TMEM145: variants seen among roughly 807,000 people sequenced by gnomAD.
The protein encoded by TMEM145 is transmembrane protein 145.
In TMEM145, 46 loss-of-function variants were observed where a neutral mutation model predicts 68.5. The ratio of observed to expected loss-of-function variants is 0.67; its 90% CI spans 0.53 to 0.86. The LOEUF is 0.86. TMEM145 is among the 40% of genes least tolerant of loss of function. The pLI is 0.00. For missense variants in TMEM145, 570 were observed against 645.8 expected, an observed-to-expected ratio of 0.88 and a Z score of 1.27; for synonymous variants, 255 against 280.2, an observed-to-expected ratio of 0.91 and a Z score of 0.90.
intron 12 of TMEM145, among the ~76,000 whole-genome samples, chr19:42,318,414 G>A (rs950561113): frequency 1.3e-5 from 2 of 151,016 alleles, no homozygotes; most frequent in Non-Finnish European, 2.9e-5. Context: ...GGCCGGGCGT[G>A]GTGGCTCACA....
chr19:42,316,411 G>A (rs928065923), intron 8 of TMEM145, 70 bp from the exon 9 acceptor site: 1 of 1,437,122 alleles, frequency 7.0e-7, no homozygotes, highest in Admixed American at 1.7e-5. Flanking sequence ...TGCCTGGATG[G>A]TAGTGCTAGA....
chr19:42,323,469 T>C lies in TMEM145; in HGVS notation c.1195-114T>C, dbSNP rs2038930041. 3 of 1,008,840 alleles carry C rather than the reference T, an allele frequency of 3.0e-6. No individual in the cohort carries two copies. In the African/African-American group the frequency reaches 4.8e-5, roughly 16 times the overall value. The allele number at this position is 1,008,840 out of a possible 1,614,324, so 62.5% of individuals were successfully genotyped here. On this transcript the variant is annotated intron_variant, in intron 13 of 14. Coordinates refer to ENST00000301204, the MANE Select transcript of TMEM145 (RefSeq NM_173633.3). ...GGACGCCTAATCCAGTGTGAATGGC[T>C]TCAGGGAAGTGTGGTGGATGTCAAC...
chr19:42,315,319 G>C, intron 7 of TMEM145, 53 bp from the exon 8 acceptor site: 2 of 1,614,104 alleles, frequency 1.2e-6, no homozygotes, highest in Non-Finnish European at 1.7e-6. Flanking sequence ...TGGGGGAGGT[G>C]AGCTGCTCTC....
In TMEM145 at chr19:42,324,767, C is replaced by T; in HGVS notation, c.1432C>T (p.Leu478Phe). 6.4e-7 allele frequency: 1 copy of T among 1,563,184 alleles called. No individual in the cohort carries two copies. The highest frequency in any genetic ancestry group is 1.2e-5 in the South Asian group (1 of 86,180). Residue 478 changes from leucine (L) to phenylalanine (F), a missense_variant, in exon 15 of 15, where the codon CTC becomes TTC. Physicochemically the swap from Leu to Phe is conservative, Grantham distance 22. Coordinates refer to ENST00000301204, the MANE Select transcript of TMEM145 (RefSeq NM_173633.3). ...PLPRAAPDSG[L>F]PLFRDLRPPG... ...GCCCCGAGCGGCGCCGGATTCTGGG[C>T]TCCCGCTGTTCCGTGACCTCCGGCC...
rs539688716 is a variant in TMEM145 at position 42,315,047 on chromosome 19, T to C, written c.475T>C (p.Trp159Arg). 5 of 1,614,164 alleles carry C rather than the reference T, an allele frequency of 3.1e-6. No individual in the cohort carries two copies. Among genetic ancestry groups the C allele is most frequent in the South Asian group, 1.1e-5 (1 of 91,078 alleles). ...GGTCCTCACCAATGGCAAGTCCTTC[T>C]GGACACGACACTTCTCCGCTGATGA... ...EMVLTNGKSF[W>R]TRHFSADEFG... The change falls in exon 6 of 15, where the codon TGG becomes CGG. Residue 159 changes from tryptophan (W) to arginine (R), a missense_variant. By Grantham distance (101) the Trp-to-Arg change is moderately radical. Coordinates refer to ENST00000301204, the MANE Select transcript of TMEM145 (RefSeq NM_173633.3).
In TMEM145 at chr19:42,314,313, C is replaced by G. The variant is rs138198460; in HGVS notation, c.162C>G (p.Tyr54Ter). ...CAAGATTTTGTTTCCTCTCGGATTACGGCCGACTGGACTTCCGTTTCCGCT... is the reference window on the plus strand; with the variant it reads ...CAAGATTTTGTTTCCTCTCGGATTAGGGCCGACTGGACTTCCGTTTCCGCT... ...FLTRFCFLSD[Y>*]GRLDFRFRYP... The change falls in exon 2 of 15, where the codon TAC becomes TAG. Residue 54 changes from tyrosine to a stop codon, truncating the protein, a stop_gained. Transcript: ENST00000301204. LOFTEE classifies it high-confidence loss of function. The G allele has an allele frequency of 5.0e-5, 81 of 1,613,948 alleles. No homozygotes were observed. The highest frequency in any genetic ancestry group is 8.0e-5 in the African/African-American group (6 of 74,848).
intron 12 of TMEM145, among the ~76,000 whole-genome samples, chr19:42,318,689 A>C (rs2038883794): frequency 6.7e-6 from 1 of 149,168 alleles, no homozygotes; most frequent in Non-Finnish European, 1.5e-5. Context: ...TTCATCTTCA[A>C]AAAAAAAAAA....
Position 42,313,421 on chromosome 19 carries a change from G to GCTGCTGCTC in TMEM145, c.54_62dup (p.Leu19_Leu21dup). Reference sequence around the variant, plus strand: ...CCGCGCTGCGCCGCCTGCTGCCGCCGCTGCTGCTCCTGCTGCTGTCACTGC... The same window carrying GCTGCTGCTC: ...CCGCGCTGCGCCGCCTGCTGCCGCCGCTGCTGCTCCTGCTGCTCCTGCTGCTGTCACTGC... On this transcript the variant is annotated inframe_insertion, in exon 1 of 15. Coordinates refer to ENST00000301204, the MANE Select transcript of TMEM145 (RefSeq NM_173633.3). This position sits in a 1 kb window ranked among gnomAD's most constrained non-coding sequence, Gnocchi z 5.1. 1 of 1,369,832 alleles carries GCTGCTGCTC rather than the reference G, an allele frequency of 7.3e-7. No homozygotes were observed. Among genetic ancestry groups the GCTGCTGCTC allele is most frequent in the South Asian group, 1.8e-5 (1 of 56,410 alleles). The allele number at this position is 1,369,832 out of a possible 1,614,324, so 84.9% of individuals were successfully genotyped here. A position where few individuals can be genotyped will look rare whatever the true frequency, so the allele number is the denominator to read the frequency against.
rs1306290425 is a variant in TMEM145, at chr19:42,316,719, G to C, written c.785G>C (p.Gly262Ala). ...LIFLLMLILL[G>A]KGFTVTRGRI... ...TTCCTGCTGATGCTTATCCTCCTGG[G>C]GAAGGGATTCACGGTGACACGGTGC... Residue 262 changes from glycine to alanine, a missense_variant, in exon 10 of 15, where the codon GGG becomes GCG. Gly to Ala is a moderately conservative substitution (Grantham distance 60). Coordinates refer to ENST00000301204, the MANE Select transcript of TMEM145 (RefSeq NM_173633.3). 6 of 1,613,612 alleles carry C rather than the reference G, an allele frequency of 3.7e-6. No homozygotes were observed. The highest frequency in any genetic ancestry group is 5.1e-6 in the Non-Finnish European group (6 of 1,180,012).
chr19:42,322,456 C>T (rs1322909965), intron 13 of TMEM145, among the ~76,000 whole-genome samples: 1 of 152,188 alleles, frequency 6.6e-6, no homozygotes, highest in African/African-American at 2.4e-5. Context: ...GCCCTTCCTG[C>T]TGTATCTCAG....
intron 12 of TMEM145, 88 bp downstream of exon 12, chr19:42,317,969 G>A: frequency 7.0e-7 from 1 of 1,431,324 alleles, no homozygotes; most frequent in South Asian, 1.2e-5. Flanking sequence ...CCTCCATAGT[G>A]AGGGAGATGG....
chr19:42,322,142 T>TCC (rs1428160005), intron 13 of TMEM145, among the ~76,000 whole-genome samples: 1 of 151,722 alleles, frequency 6.6e-6, no homozygotes, highest in Non-Finnish European at 1.5e-5. Flanking sequence ...AGGGGACAGG[T>TCC]CCCCATCCTT....
At chr19:42,321,505 T>G (rs2038912056) in intron 13 of TMEM145, 1 of 186,322 alleles carries the variant, frequency 5.4e-6, no homozygotes, top group Non-Finnish European at 1.1e-5. Flanking sequence ...TTCCCCTGCC[T>G]CAGCCTCCCT....
chr19:42,324,992 C>A lies in TMEM145; in HGVS notation c.*175C>A, dbSNP rs1200472197. ...GCCGCATCTCCATTCCGGGGGCCTT[C>A]CCTCGGGTCCCTGGCAGAAAGACAT... On this transcript the variant is annotated 3_prime_UTR_variant, in exon 15 of 15. Transcript: ENST00000301204. 2 of 1,080,024 alleles carry A rather than the reference C, an allele frequency of 1.9e-6. No individual in the cohort carries two copies. The highest frequency in any genetic ancestry group is 3.3e-5 in the African/African-American group (2 of 60,884). The allele number at this position is 1,080,024 out of a possible 1,614,324, so 66.9% of individuals were successfully genotyped here.
chr19:42,319,502 A>G (rs1336655845), intron 12 of TMEM145, among the ~76,000 whole-genome samples: 1 of 152,114 alleles, frequency 6.6e-6, no homozygotes, highest in African/African-American at 2.4e-5. Flanking sequence ...GCTGGAGTGC[A>G]GTGGCACGAT....
chr19:42,314,716 G>T lies in TMEM145; in HGVS notation c.360+17G>T, dbSNP rs2038837216. The T allele has an allele frequency of 6.2e-7, 1 of 1,614,072 alleles. No homozygotes were observed. Among genetic ancestry groups the T allele is most frequent in the South Asian group, 1.1e-5 (1 of 91,090 alleles). ...GGCTGTCAGGTGCAGGCTCAGCCTG[G>T]GGGAGTGGGCAGGTGCTGAAGGATG... On this transcript the variant is annotated intron_variant, in intron 4 of 14. Transcript: ENST00000301204.
intron 12 of TMEM145, among the ~76,000 whole-genome samples, chr19:42,318,094 G>A (rs1568547980): frequency 6.6e-6 from 1 of 152,186 alleles, no homozygotes; most frequent in Admixed American, 6.6e-5. Context: ...CTCGCCAGGC[G>A]TGGTGGCTCA....
chr19:42,321,389 T>G (rs1323012363), intron 13 of TMEM145: 2 of 270,016 alleles, frequency 7.4e-6, no homozygotes, highest in Non-Finnish European at 1.3e-5. Flanking sequence ...TTAAGTGGTT[T>G]TTTTTTTTTT....
intron 9 of TMEM145, 34 bp from the exon 10 acceptor site, chr19:42,316,628 T>G: frequency 1.2e-6 from 2 of 1,613,558 alleles, no homozygotes; most frequent in Non-Finnish European, 1.7e-6. Context: ...GGTCTGAGCC[T>G]GGCTCTGAGC....
Sources: allele counts gnomAD v4.1 joint callset (sites outside exome capture counted in the v4.1 genomes callset), GRCh38; gene constraint gnomAD v4.1.1; non-coding constraint Gnocchi (gnomAD v3.1); transcripts MANE v1.5; gene names NCBI Gene and HGNC (gene_info 2026-07-23, HGNC 2026-07-21).